The following LRCH1 variants were observed in gnomAD, a reference collection of about 807,000 sequenced individuals.
LRCH1 encodes leucine rich repeats and calponin homology domain containing 1, also known as leucine-rich repeat and calponin homology domain-containing protein 1.
LRCH1 carries 23 observed loss-of-function variants against 94.9 expected under a neutral mutation model. That is an observed-to-expected ratio of 0.24 (90% CI 0.17 to 0.34). The LOEUF is 0.34. Among genes scored for constraint, LRCH1 ranks in the 10% least tolerant of loss-of-function variants. The pLI is 1.00. For missense variants in LRCH1, 790 were observed against 945.9 expected, an observed-to-expected ratio of 0.84 and a Z score of 2.16; for synonymous variants, 364 against 354.9, an observed-to-expected ratio of 1.03 and a Z score of -0.29.
At chr13:46,691,734 G>C (rs1361613987) in intron 7 of LRCH1, among the ~76,000 whole-genome samples, 1 of 152,180 alleles carries the variant, frequency 6.6e-6, no homozygotes, top group African/African-American at 2.4e-5. Context: ...TCTCTTGCCA[G>C]GCTGGAGTGC....
At chr13:46,658,543 A>C (rs1216862) in intron 2 of LRCH1, among the ~76,000 whole-genome samples, 1 of 152,074 alleles carries the variant, frequency 6.6e-6, no homozygotes, top group Non-Finnish European at 1.5e-5. Context: ...GCAGTGGTGC[A>C]ATTACGGCTC....
intron 19 of LRCH1, among the ~76,000 whole-genome samples, chr13:46,740,517 G>A (rs1014360448): frequency 1.3e-5 from 2 of 152,186 alleles, no homozygotes; most frequent in African/African-American, 2.4e-5. Flanking sequence ...ATGATGTGCA[G>A]CTGCTTAGCA....
chr13:46,651,703 CTT>C (rs58584317), intron 2 of LRCH1, among the ~76,000 whole-genome samples: 21 of 127,150 alleles, frequency 1.7e-4, no homozygotes, highest in Admixed American at 2.4e-4. Context: ...TGTAGAAGTG[CTT>C]TTTTTTTTTT....
At chr13:46,628,281 A>G (rs1432496297) in intron 1 of LRCH1, among the ~76,000 whole-genome samples, 1 of 152,148 alleles carries the variant, frequency 6.6e-6, no homozygotes, top group Non-Finnish European at 1.5e-5. Flanking sequence ...GGAGACAAGA[A>G]TGAAACACAC....
At chr13:46,712,225 T>G (rs1025163269) in intron 14 of LRCH1, among the ~76,000 whole-genome samples, 12 of 152,210 alleles carry the variant, frequency 7.9e-5, no homozygotes, top group African/African-American at 2.2e-4. Flanking sequence ...GGATATAGTG[T>G]GTGTGTGTGC....
chr13:46,748,470 A>G (rs552847411), downstream of LRCH1, among the ~76,000 whole-genome samples: 3 of 152,330 alleles, frequency 2.0e-5, no homozygotes, highest in East Asian at 5.8e-4. Context: ...TGAGGAAGAC[A>G]TATCTTTGCC....
At chr13:46,697,933 AAAGAAATACCCTTTGC>A (rs1871279858) in intron 9 of LRCH1, among the ~76,000 whole-genome samples, 1 of 152,242 alleles carries the variant, frequency 6.6e-6, no homozygotes. Context: ...AAAAAAATAA[AAAGAAATACCCTTTGC>A]TTCTATCATT....
At chr13:46,702,586 G>A (rs907748173) in intron 11 of LRCH1, among the ~76,000 whole-genome samples, 4 of 152,154 alleles carry the variant, frequency 2.6e-5, no homozygotes, top group African/African-American at 9.7e-5. Flanking sequence ...GGATAGACTC[G>A]AGCAAGTGCC....
intron 8 of LRCH1, among the ~76,000 whole-genome samples, chr13:46,693,084 G>C (rs1388732364): frequency 6.6e-6 from 1 of 150,938 alleles, no homozygotes; most frequent in African/African-American, 2.4e-5. Context: ...GGGTTCTCCT[G>C]CCTCAGCCTC....
intron 1 of LRCH1, among the ~76,000 whole-genome samples, chr13:46,566,040 G>T (rs2050180316): frequency 6.6e-6 from 1 of 151,926 alleles, no homozygotes; most frequent in African/African-American, 2.4e-5. Context: ...GGAAGTGGTG[G>T]CTGGGGCCTC....
chr13:46,562,033 A>G (rs898547086), intron 1 of LRCH1, among the ~76,000 whole-genome samples: 4 of 152,024 alleles, frequency 2.6e-5, no homozygotes, highest in African/African-American at 7.3e-5. Flanking sequence ...TGATTTTTGT[A>G]TGGCTTCCAT....
chr13:46,633,794 T>C (rs2051047380), intron 1 of LRCH1, among the ~76,000 whole-genome samples: 1 of 152,060 alleles, frequency 6.6e-6, no homozygotes, highest in Non-Finnish European at 1.5e-5. Flanking sequence ...GCTCCATAGA[T>C]ACCCTAAGTC....
chr13:46,742,408 C>A lies in LRCH1; in HGVS notation c.*560C>A, dbSNP rs190369415. ...TGGACGTGTACACGTACTCACACTGCCTTGATGGCCATTCGATTGGATTCC... is the reference window on the plus strand; with the variant it reads ...TGGACGTGTACACGTACTCACACTGACTTGATGGCCATTCGATTGGATTCC... On this transcript the variant is annotated 3_prime_UTR_variant, in exon 20 of 20. Transcript: ENST00000389797. 7 of 987,506 alleles carry A rather than the reference C, an allele frequency of 7.1e-6. No homozygotes were observed. The highest frequency in any genetic ancestry group is 8.4e-6 in the Non-Finnish European group (7 of 831,322). The allele number at this position is 987,506 out of a possible 1,614,324, so 61.2% of individuals were successfully genotyped here.
At chr13:46,668,374 C>T (rs2051549185) in intron 2 of LRCH1, among the ~76,000 whole-genome samples, 1 of 152,098 alleles carries the variant, frequency 6.6e-6, no homozygotes, top group South Asian at 2.1e-4. Context: ...GGCTGCAGTT[C>T]CACTTTGCCA....
At chr13:46,696,159 C>T (rs1376642624) in intron 9 of LRCH1, among the ~76,000 whole-genome samples, 14 of 151,940 alleles carry the variant, frequency 9.2e-5, no homozygotes, top group Admixed American at 9.2e-4. Context: ...CCACTTCTTA[C>T]CCAATGCTGC....
At chr13:46,607,631 C>T (rs912753340) in intron 1 of LRCH1, among the ~76,000 whole-genome samples, 1 of 151,770 alleles carries the variant, frequency 6.6e-6, no homozygotes, top group African/African-American at 2.4e-5. Context: ...TCCCCTTCCT[C>T]CTCTTCCTTC....
At position 46,744,600 on chromosome 13, in the gene LRCH1, AG is replaced by A; in HGVS notation, c.*2754del. The A allele has an allele frequency of 1.0e-6, 1 of 985,466 alleles. No homozygotes were observed. The highest frequency in any genetic ancestry group is 1.2e-6 in the Non-Finnish European group (1 of 829,938). 61.0% of individuals were successfully genotyped at this position (985,466 alleles called of 1,614,324 possible). On this transcript the variant is annotated 3_prime_UTR_variant, in exon 20 of 20. Coordinates refer to ENST00000389797, the MANE Select transcript of LRCH1 (RefSeq NM_001164211.2). ...TTCATCAATGAGAGTAGATAAATAA[AG>A]GCACTTGATAGCCTGCTGCTATTTG...
intron 16 of LRCH1, among the ~76,000 whole-genome samples, chr13:46,722,126 A>G (rs1286055792): frequency 1.3e-5 from 2 of 152,238 alleles, no homozygotes; most frequent in African/African-American, 4.8e-5. Context: ...GTAGAATAAA[A>G]ATTACACATT....
Position 46,687,992 on chromosome 13 carries a change from C to G in LRCH1, c.950+13C>G. ...ACGTGGAAGATGGGTGAGTCATGCCCTCATTCAAAGCCCCAGTTTAAAATT... is the reference window on the plus strand; with the variant it reads ...ACGTGGAAGATGGGTGAGTCATGCCGTCATTCAAAGCCCCAGTTTAAAATT... On this transcript the variant is annotated intron_variant, in intron 6 of 19. Transcript: ENST00000389797. 6.3e-7 allele frequency: 1 copy of G among 1,598,998 alleles called. No homozygotes were observed. Among genetic ancestry groups the G allele is most frequent in the East Asian group, 2.2e-5 (1 of 44,496 alleles).
Sources: allele counts gnomAD v4.1 joint callset (sites outside exome capture counted in the v4.1 genomes callset), GRCh38; gene constraint gnomAD v4.1.1; transcripts MANE v1.5; gene names NCBI Gene and HGNC (gene_info 2026-07-23, HGNC 2026-07-21).